ITGA4: variants seen among roughly 807,000 people sequenced by gnomAD.
ITGA4 encodes the protein integrin subunit alpha 4, also known as integrin alpha-4.
Under a neutral mutation model 133.6 loss-of-function variants are expected in ITGA4, and 63 were observed. The ratio of observed to expected loss-of-function variants is 0.47; its 90% CI spans 0.38 to 0.58. The LOEUF (loss-of-function observed/expected upper bound fraction) is 0.58. Ranked by LOEUF, ITGA4 falls within the 20% of genes least tolerant of loss-of-function variation. The pLI, the probability that ITGA4 is intolerant of heterozygous loss-of-function variation, is 0.00. For synonymous variants in ITGA4, 483 were observed against 438.0 expected, an observed-to-expected ratio of 1.10 and a Z score of -1.28; for missense variants, 1,076 against 1,252.7, an observed-to-expected ratio of 0.86 and a Z score of 2.13.
intron 22 of ITGA4, among the ~76,000 whole-genome samples, chr2:181,529,149 T>C (rs181662578): frequency 2.4e-4 from 36 of 152,326 alleles, no homozygotes; most frequent in African/African-American, 8.4e-4. Context: ...AGAACACCTG[T>C]TAGCATTTCC....
In ITGA4 at chr2:181,463,082, G is replaced by GA. The variant is rs1324831987; in HGVS notation, c.319+4770dup. On this transcript the variant is annotated intron_variant, in intron 2 of 27. Transcript: ENST00000397033. Reference sequence around the variant, plus strand: ...GAATTGGTGTTCAAGTGGGGGAACTGAAAAATAATCAGAAGTTAGCCAGAG... The same window carrying GA: ...GAATTGGTGTTCAAGTGGGGGAACTGAAAAAATAATCAGAAGTTAGCCAGAG... Among the ~76,000 whole-genome samples the GA allele has an allele frequency of 3.9e-5, 6 of 152,264 alleles. No homozygotes were observed. In the East Asian group the frequency reaches 9.6e-4, roughly 24 times the overall value.
chr2:181,499,351 C>T (rs996877184), intron 15 of ITGA4, among the ~76,000 whole-genome samples: 10 of 152,022 alleles, frequency 6.6e-5, no homozygotes, highest in Admixed American at 2.0e-4. Context: ...AAAGCACAGC[C>T]GATTTCATGT....
In ITGA4 at chr2:181,534,277, G is replaced by A; in HGVS notation, c.2790G>A (p.Glu930=). The A allele has an allele frequency of 6.3e-7, 1 of 1,591,426 alleles. No individual in the cohort carries two copies. Among genetic ancestry groups the A allele is most frequent in the African/African-American group, 1.3e-5 (1 of 74,534 alleles). ...EGRPSILEMD[E]TSALKFEIRA... is the part of the protein sequence containing the mutation. ...ATCCTTCTTTTATTAAACAGGATGA[G>A]ACTTCAGCACTCAAGTTTGAAATAA... The change falls in exon 26 of 28, where the codon GAG becomes GAA. Residue 930 remains glutamate, a synonymous_variant. Coordinates refer to ENST00000397033, the MANE Select transcript of ITGA4 (RefSeq NM_000885.6).
chr2:181,501,045 G>C (rs889537408), intron 15 of ITGA4, among the ~76,000 whole-genome samples: 2 of 152,258 alleles, frequency 1.3e-5, no homozygotes, highest in Non-Finnish European at 2.9e-5. Context: ...GAGCAAAGAC[G>C]TGAAGAAAGT....
intron 15 of ITGA4, among the ~76,000 whole-genome samples, chr2:181,507,220 G>A (rs549486757): frequency 4.3e-4 from 65 of 152,172 alleles, no homozygotes; most frequent in Non-Finnish European, 8.8e-4. Context: ...ACTTGTTTCC[G>A]TGTAGGTGGG....
rs1375491 is a variant in ITGA4 at position 181,516,323 on chromosome 2, A to G, written c.1922+4548A>G. Among the ~76,000 whole-genome samples the G allele has an allele frequency of 0.6, 91,569 of 151,854 alleles. 27,973 individuals are homozygous for G. The highest frequency in any genetic ancestry group is 0.84 in the South Asian group (4,029 of 4,820). On this transcript the variant is annotated intron_variant, in intron 17 of 27. Coordinates refer to ENST00000397033, the MANE Select transcript of ITGA4 (RefSeq NM_000885.6). This position sits in a 1 kb window ranked among gnomAD's most constrained non-coding sequence, Gnocchi z 4.0. ...TAGAGTAATTAACTAATAGTGACTT[A>G]AACAATAAAGATATTATTTCGCATA...
intron 2 of ITGA4, chr2:181,459,411 T>C (rs1025697085): frequency 3.3e-5 from 5 of 152,058 alleles, no homozygotes; most frequent in Non-Finnish European, 1.5e-5. Context: ...AAATGGACTT[T>C]TGAGATTAGT....
Position 181,531,350 on chromosome 2 carries a change from C to T in ITGA4, c.2665-307C>T, listed in dbSNP as rs55839254. Reference sequence around the variant, plus strand: ...CACGTTTTACAACAAACAAAGAATACGTAACTTAGCAAGACTCTGATTAGG... The same window carrying T: ...CACGTTTTACAACAAACAAAGAATATGTAACTTAGCAAGACTCTGATTAGG... On this transcript the variant is annotated intron_variant, in intron 24 of 27. Transcript: ENST00000397033. Among the ~76,000 whole-genome samples the T allele has an allele frequency of 3.5e-3, 535 of 152,130 alleles. 2 individuals carry two copies. Among genetic ancestry groups the T allele is most frequent in the Non-Finnish European group, 4.9e-3 (332 of 67,998 alleles).
chr2:181,493,214 A>G, intron 10 of ITGA4, 111 bp from the exon 11 acceptor site: 2 of 651,072 alleles, frequency 3.1e-6, no homozygotes, highest in Non-Finnish European at 5.4e-6. Context: ...GTTATTTTTC[A>G]TAAAAGAGAG....
At chr2:181,465,358 A>G (rs1341906509) in intron 2 of ITGA4, among the ~76,000 whole-genome samples, 3 of 152,056 alleles carry the variant, frequency 2.0e-5, no homozygotes, top group Non-Finnish European at 2.9e-5. Context: ...GGTTTTTCTC[A>G]TGTATTTTTA....
intron 2 of ITGA4, among the ~76,000 whole-genome samples, chr2:181,473,467 T>C (rs550262780): frequency 1.3e-5 from 2 of 152,288 alleles, no homozygotes; most frequent in East Asian, 3.9e-4. Context: ...ACCACTGACC[T>C]AGGGTAATCA....
In ITGA4 at chr2:181,498,775, C is replaced by T. The variant is rs201091569; in HGVS notation, c.1693C>T (p.Arg565Trp). 87 of 1,588,228 alleles carry T rather than the reference C, an allele frequency of 5.5e-5. No individual in the cohort carries two copies. Among genetic ancestry groups the T allele is most frequent in the East Asian group, 5.0e-4 (22 of 43,984 alleles). The change falls in exon 15 of 28, where the codon CGG (arginine) becomes TGG (tryptophan). Residue 565 changes from arginine (R) to tryptophan (W), a missense_variant and splice_region_variant. By Grantham distance (101) the Arg-to-Trp change is moderately radical. Coordinates refer to ENST00000397033, the MANE Select transcript of ITGA4 (RefSeq NM_000885.6). ...ANCRTHQAFM[R>W]KDVRDILTPI... ...CTGTAGAACACATCAAGCATTTATG[C>T]GGGTAATGTAAGCTATTTTTTATTA...
intron 24 of ITGA4, among the ~76,000 whole-genome samples, chr2:181,530,989 C>T (rs1458346014): frequency 1.3e-5 from 2 of 151,950 alleles, no homozygotes; most frequent in African/African-American, 2.4e-5. Flanking sequence ...TAGACAGGTG[C>T]CTGTAATCCC....
intron 15 of ITGA4, among the ~76,000 whole-genome samples, chr2:181,502,389 G>A (rs1430930054): frequency 6.6e-6 from 1 of 152,124 alleles, no homozygotes; most frequent in African/African-American, 2.4e-5. Flanking sequence ...AGAAGTATTA[G>A]CATGTTTTTA....
At chr2:181,527,485 C>A in intron 22 of ITGA4, 98 bp downstream of exon 22, 1 of 764,238 alleles carries the variant, frequency 1.3e-6, no homozygotes, top group Non-Finnish European at 2.2e-6. Flanking sequence ...CGTCCTTCAG[C>A]CTCTGCAGAC....
intron 2 of ITGA4, among the ~76,000 whole-genome samples, chr2:181,462,517 CTT>C (rs1685309716): frequency 6.6e-6 from 1 of 152,054 alleles, no homozygotes; most frequent in African/African-American, 2.4e-5. Flanking sequence ...TTCTTGATAA[CTT>C]TTTACTTTTT....
chr2:181,510,624 T>C (rs1035437246), intron 16 of ITGA4, among the ~76,000 whole-genome samples: 34 of 152,236 alleles, frequency 2.2e-4, no homozygotes, highest in South Asian at 8.3e-4. Flanking sequence ...ATAGTCACTT[T>C]AAGATAATTG....
chr2:181,468,411 T>C (rs947653461), intron 2 of ITGA4, among the ~76,000 whole-genome samples: 1 of 152,184 alleles, frequency 6.6e-6, no homozygotes, highest in African/African-American at 2.4e-5. Flanking sequence ...TGTGGTGATA[T>C]AATGTATTTC....
Position 181,538,148 on chromosome 2 carries a change from T to G in ITGA4, c.*2621T>G. The G allele has an allele frequency of 7.3e-7, 1 of 1,367,566 alleles. No homozygotes were observed. Among genetic ancestry groups the G allele is most frequent in the Non-Finnish European group, 1.0e-6 (1 of 960,776 alleles). The allele number at this position is 1,367,566 out of a possible 1,614,324, so 84.7% of individuals were successfully genotyped here. On this transcript the variant is annotated 3_prime_UTR_variant, in exon 28 of 28. Transcript: ENST00000397033. Reference sequence around the variant, plus strand: ...TGGCCACATTTCTTTATATTAAAATTCTAGTTTGTACATTTCTTTTAGAAA... The same window carrying G: ...TGGCCACATTTCTTTATATTAAAATGCTAGTTTGTACATTTCTTTTAGAAA...
Sources: gnomAD v4.1 joint callset for allele counts (sites outside exome capture counted in the v4.1 genomes callset) on GRCh38, gnomAD v4.1.1 for gene constraint, Gnocchi (gnomAD v3.1) non-coding constraint, MANE v1.5 for transcripts, NCBI Gene and HGNC (gene_info 2026-07-23, HGNC 2026-07-21) for gene names.